The following RHOBTB2 variants were observed in gnomAD, a reference collection of about 807,000 sequenced individuals.
RHOBTB2 encodes rho-related BTB domain-containing protein 2.
In RHOBTB2, 39 loss-of-function variants were observed where a neutral mutation model predicts 66.5. The observed-to-expected ratio is 0.59, with a 90% CI of 0.45 to 0.77. The LOEUF (loss-of-function observed/expected upper bound fraction) is 0.77. Ranked by LOEUF, RHOBTB2 falls within the 30% of genes least tolerant of loss-of-function variation. The probability of loss-of-function intolerance (pLI) is 0.00; values close to 1 mark genes in which losing one functional copy is unlikely to be tolerated. For missense variants in RHOBTB2, 755 were observed against 999.1 expected (o/e 0.76, Z 3.29); for synonymous variants, 390 against 395.0 (o/e 0.99, Z 0.15).
At chr8:22,979,682 T>C in the RHOBTB2 span, among the ~76,000 whole-genome samples, 19 of 151,760 alleles carry the variant, frequency 1.3e-4, no homozygotes, top group South Asian at 3.9e-3. Context: ...TTGAGCCAAA[T>C]TATGGGAATT....
chr8:22,969,881 AG>A, the RHOBTB2 span, among the ~76,000 whole-genome samples: 83 of 152,220 alleles, frequency 5.5e-4, no homozygotes, highest in African/African-American at 1.8e-3. Context: ...TCTCCCAAGT[AG>A]CTGGGACTAC....
the RHOBTB2 span, among the ~76,000 whole-genome samples, chr8:22,970,855 C>G: frequency 2.0e-5 from 3 of 152,196 alleles, no homozygotes; most frequent in Non-Finnish European, 2.9e-5. Context: ...TGCTGCTAAA[C>G]TGTGACAGTC....
upstream of RHOBTB2, chr8:22,985,046 C>G (rs1437488248): frequency 6.6e-6 from 1 of 151,974 alleles, no homozygotes; most frequent in East Asian, 1.9e-4. Flanking sequence ...GTCCTTTGAT[C>G]TTCCCAAATG....
chr8:22,973,868 C>T, the RHOBTB2 span, among the ~76,000 whole-genome samples: 3 of 152,164 alleles, frequency 2.0e-5, no homozygotes, highest in Non-Finnish European at 4.4e-5. Flanking sequence ...CAGCAGCCTG[C>T]CCCACCGGCA....
At chr8:23,002,381 T>C in intron 1 of RHOBTB2, among the ~76,000 whole-genome samples, 1 of 152,160 alleles carries the variant, frequency 6.6e-6, no homozygotes, top group East Asian at 1.9e-4. Flanking sequence ...AAGCCTGTGG[T>C]TAGAATAACA....
chr8:22,975,250 C>T, the RHOBTB2 span, among the ~76,000 whole-genome samples: 3,635 of 152,316 alleles, frequency 0.024, 133 homozygotes, highest in African/African-American at 0.083. Context: ...CTGCCCCACC[C>T]TGTTTCTACC....
chr8:22,978,663 AG>A, the RHOBTB2 span, among the ~76,000 whole-genome samples: 726 of 152,120 alleles, frequency 4.8e-3, 8 homozygotes, highest in Middle Eastern at 0.034. Context: ...GGAGGCTAGA[AG>A]AAAGAAAGGA....
chr8:22,951,497 G>A, the RHOBTB2 span, among the ~76,000 whole-genome samples: 5 of 152,086 alleles, frequency 3.3e-5, no homozygotes, highest in African/African-American at 1.2e-4. Flanking sequence ...AAAGGGTGGT[G>A]GGATTATCAT....
intron 6 of RHOBTB2, 121 bp downstream of exon 6, chr8:23,008,232 C>A: frequency 1.4e-6 from 1 of 703,570 alleles, no homozygotes; most frequent in Non-Finnish European, 2.4e-6. Context: ...GGGTGATGGG[C>A]CCAAGAGAGG....
the RHOBTB2 span, among the ~76,000 whole-genome samples, chr8:22,960,603 G>A: frequency 5.3e-5 from 8 of 152,116 alleles, no homozygotes; most frequent in South Asian, 2.1e-4. Context: ...ATAGGCATGC[G>A]CTGCACCCGG....
At chr8:22,955,070 G>T in the RHOBTB2 span, among the ~76,000 whole-genome samples, 1 of 152,180 alleles carries the variant, frequency 6.6e-6, no homozygotes, top group African/African-American at 2.4e-5. Context: ...GGCAGAGGTT[G>T]CAATAAGCCG....
the RHOBTB2 span, among the ~76,000 whole-genome samples, chr8:22,951,568 T>C: frequency 6.6e-6 from 1 of 152,142 alleles, no homozygotes; most frequent in Non-Finnish European, 1.5e-5. Flanking sequence ...GGGGCAGGGG[T>C]TGGATCTCAC....
chr8:23,005,935 C>T lies in RHOBTB2; in HGVS notation c.297-25C>T, dbSNP rs763543601. ...GTAAGCTACCACTTGTTTCTCTGCCCGTAACCTTACTTTCCCACCCGCAGA... is the reference window on the plus strand; with the variant it reads ...GTAAGCTACCACTTGTTTCTCTGCCTGTAACCTTACTTTCCCACCCGCAGA... On this transcript the variant is annotated intron_variant, in intron 3 of 9. Coordinates refer to ENST00000251822, the MANE Select transcript of RHOBTB2 (RefSeq NM_015178.3). 1.2e-5 allele frequency: 19 copies of T among 1,598,786 alleles called. No individual in the cohort carries two copies. The East Asian group carries it at 1.3e-4, about 11-fold the overall frequency.
chr8:22,968,044 TACTC>T, the RHOBTB2 span, among the ~76,000 whole-genome samples: 1 of 151,976 alleles, frequency 6.6e-6, no homozygotes, highest in African/African-American at 2.4e-5. Context: ...TAGTCTTAGT[TACTC>T]AGGAGGCTGA....
chr8:23,011,329 A>T (rs140301695), intron 7 of RHOBTB2, among the ~76,000 whole-genome samples: 1 of 152,310 alleles, frequency 6.6e-6, no homozygotes, highest in African/African-American at 2.4e-5. Flanking sequence ...CAAGCTTAAG[A>T]AGTCAAAAAA....
chr8:22,973,452 T>G, the RHOBTB2 span, among the ~76,000 whole-genome samples: 5 of 152,066 alleles, frequency 3.3e-5, no homozygotes, highest in Non-Finnish European at 7.4e-5. Flanking sequence ...CAGGCTGGTC[T>G]CGAACTCCTG....
the RHOBTB2 span, among the ~76,000 whole-genome samples, chr8:22,956,373 T>A: frequency 6.6e-6 from 1 of 152,118 alleles, no homozygotes; most frequent in African/African-American, 2.4e-5. Context: ...ATGGGACCAG[T>A]TTCTTATGAG....
At chr8:22,957,061 G>C in the RHOBTB2 span, among the ~76,000 whole-genome samples, 1 of 152,200 alleles carries the variant, frequency 6.6e-6, no homozygotes, top group Non-Finnish European at 1.5e-5. Flanking sequence ...GCCCTAGTCT[G>C]TTCTTCAGTC....
the RHOBTB2 span, among the ~76,000 whole-genome samples, chr8:22,972,104 C>T: frequency 2.6e-5 from 4 of 152,142 alleles, no homozygotes; most frequent in Non-Finnish European, 4.4e-5. Context: ...AGATGGTGGG[C>T]GTCAGTCACG....
Sources: gnomAD v4.1 joint callset for allele counts (sites outside exome capture counted in the v4.1 genomes callset) on GRCh38, gnomAD v4.1.1 for gene constraint, MANE v1.5 for transcripts, NCBI Gene and HGNC (gene_info 2026-07-23, HGNC 2026-07-21) for gene names.